MACROD2: variants seen among roughly 807,000 people sequenced by gnomAD.
MACROD2 encodes the protein mono-ADP ribosylhydrolase 2, also known as ADP-ribose glycohydrolase MACROD2.
MACROD2 carries 36 observed loss-of-function variants against 70.4 expected under a neutral mutation model. That is an observed-to-expected ratio of 0.51 (90% CI 0.39 to 0.68). The LOEUF (loss-of-function observed/expected upper bound fraction) is 0.68, where lower values mean the gene tolerates loss of function less well. Among genes scored for constraint, MACROD2 ranks in the 30% least tolerant of loss-of-function variants. The pLI is 0.00. For synonymous variants in MACROD2, 172 were observed against 178.8 expected (o/e 0.96, Z 0.30); for missense variants, 496 against 538.4 (o/e 0.92, Z 0.78).
chr20:16,022,047 C>CTTTTTTT (rs543662575), intron 15 of MACROD2, among the ~76,000 whole-genome samples: 21 of 108,954 alleles, frequency 1.9e-4, no homozygotes, highest in East Asian at 2.7e-4. Flanking sequence ...GTTTCAGTTT[C>CTTTTTTT]TTTTTTTTTT....
chr20:14,084,637 G>T (rs540270888), intron 2 of MACROD2, among the ~76,000 whole-genome samples: 3 of 152,096 alleles, frequency 2.0e-5, no homozygotes, highest in African/African-American at 7.2e-5. Flanking sequence ...TAAAATATCA[G>T]ATTTCAGAAA....
At chr20:15,076,635 A>G (rs555041141) in intron 5 of MACROD2, among the ~76,000 whole-genome samples, 6 of 152,256 alleles carry the variant, frequency 3.9e-5, no homozygotes, top group African/African-American at 1.4e-4. Context: ...GTTTTCTGTC[A>G]CTTTTGTTCT....
chr20:14,421,760 T>G (rs2083878404), intron 3 of MACROD2, among the ~76,000 whole-genome samples: 1 of 152,000 alleles, frequency 6.6e-6, no homozygotes, highest in South Asian at 2.1e-4. Flanking sequence ...GTGATTGGAA[T>G]TTTTTTTGTA....
chr20:15,224,826 G>T (rs1009381741), intron 5 of MACROD2, among the ~76,000 whole-genome samples: 1 of 151,998 alleles, frequency 6.6e-6, no homozygotes. Context: ...TTGGTGTGAT[G>T]GTGCATGCCT....
chr20:15,595,814 G>T (rs1349198931), intron 8 of MACROD2, among the ~76,000 whole-genome samples: 1 of 151,934 alleles, frequency 6.6e-6, no homozygotes, highest in African/African-American at 2.4e-5. Flanking sequence ...TTTGTAAACT[G>T]TAACTTGGCA....
rs142305094 is a variant in MACROD2 at position 15,698,516 on chromosome 20, C to T, written c.646-164229C>T. 5.0e-3 allele frequency among the ~76,000 whole-genome samples: 765 copies of T among 152,250 alleles called. 7 individuals are homozygous for T. Among genetic ancestry groups the T allele is most frequent in the African/African-American group, 0.016 (682 of 41,534 alleles). On this transcript the variant is annotated intron_variant, in intron 8 of 17. Coordinates refer to ENST00000684519, the MANE Select transcript of MACROD2 (RefSeq NM_001351661.2). The stretch of plus-strand genomic sequence containing the variant: ...TCACAGCTCTTAAAATTCTTTCCTT[C>T]GTCTTAACTTTGGATAACCTGATGA...
intron 9 of MACROD2, among the ~76,000 whole-genome samples, chr20:15,879,851 A>G (rs1271976033): frequency 1.3e-5 from 2 of 152,102 alleles, no homozygotes; most frequent in Non-Finnish European, 2.9e-5. Flanking sequence ...CTGAGAACCA[A>G]TGGAACCAAC....
At chr20:15,625,117 T>C (rs2049183853) in intron 8 of MACROD2, among the ~76,000 whole-genome samples, 1 of 152,204 alleles carries the variant, frequency 6.6e-6, no homozygotes, top group African/African-American at 2.4e-5. Flanking sequence ...TAGCAGTAGC[T>C]GAATCTAAGA....
At chr20:14,811,957 G>C (rs2072717834) in intron 5 of MACROD2, among the ~76,000 whole-genome samples, 1 of 152,088 alleles carries the variant, frequency 6.6e-6, no homozygotes, top group Admixed American at 6.6e-5. Flanking sequence ...TGGAGACATA[G>C]GAACGCTTTA....
intron 8 of MACROD2, among the ~76,000 whole-genome samples, chr20:15,763,899 T>A (rs1374955468): frequency 6.6e-6 from 1 of 152,242 alleles, no homozygotes; most frequent in Non-Finnish European, 1.5e-5. Flanking sequence ...TAGTTGGAAA[T>A]CTGTGAAACA....
chr20:14,962,504 A>G (rs1259909802), intron 5 of MACROD2, among the ~76,000 whole-genome samples: 1 of 149,438 alleles, frequency 6.7e-6, no homozygotes, highest in African/African-American at 2.5e-5. Context: ...TCTGAGACAG[A>G]ATTTTGCTCT....
At chr20:15,036,397 A>T (rs1418060053) in intron 5 of MACROD2, among the ~76,000 whole-genome samples, 2 of 152,108 alleles carry the variant, frequency 1.3e-5, no homozygotes, top group Non-Finnish European at 2.9e-5. Context: ...AATCAGCATC[A>T]CCTGGGAACT....
At chr20:15,565,631 T>G (rs769114976) in intron 8 of MACROD2, among the ~76,000 whole-genome samples, 11 of 152,254 alleles carry the variant, frequency 7.2e-5, no homozygotes, top group Non-Finnish European at 1.5e-4. Context: ...GTTTGTTTGT[T>G]TAGAGACAAG....
At chr20:15,190,388 A>C (rs994556881) in intron 5 of MACROD2, among the ~76,000 whole-genome samples, 1 of 152,144 alleles carries the variant, frequency 6.6e-6, no homozygotes, top group Non-Finnish European at 1.5e-5. Flanking sequence ...CCATATTCAT[A>C]GTCCCCTCAG....
chr20:14,883,043 A>G (rs2073628781), intron 5 of MACROD2, among the ~76,000 whole-genome samples: 1 of 152,188 alleles, frequency 6.6e-6, no homozygotes, highest in Admixed American at 6.5e-5. Context: ...CTTGGTCATG[A>G]GTAATGATGG....
intron 5 of MACROD2, among the ~76,000 whole-genome samples, chr20:15,038,921 A>G (rs527959391): frequency 6.6e-6 from 1 of 152,308 alleles, no homozygotes; most frequent in South Asian, 2.1e-4. Flanking sequence ...AAAGAATGTC[A>G]AGTGTTAATC....
intron 4 of MACROD2, among the ~76,000 whole-genome samples, chr20:14,639,638 A>G (rs932092056): frequency 2.0e-5 from 3 of 152,194 alleles, no homozygotes; most frequent in Admixed American, 6.5e-5. Context: ...CAGAATAGCC[A>G]TCATTCAATG....
chr20:15,537,523 G>T (rs1319469975), intron 8 of MACROD2, among the ~76,000 whole-genome samples: 2 of 146,304 alleles, frequency 1.4e-5, no homozygotes, highest in African/African-American at 2.6e-5. Context: ...GCCCAGGCTG[G>T]GGTGCAATGA....
At position 15,301,591 on chromosome 20, in the gene MACROD2, C is replaced by CTTTTTTTTTTTTTTTTTTTTT. The variant is rs71340214; in HGVS notation, c.540+71533_540+71553dup. Reference sequence around the variant, plus strand: ...GGAAGTTAGTAAGATGGTAGGTGGCCTTTTTTTTTTTTTTTTTTTTTTTGT... The same window carrying CTTTTTTTTTTTTTTTTTTTTT: ...GGAAGTTAGTAAGATGGTAGGTGGCCTTTTTTTTTTTTTTTTTTTTTTTTTTTTTTTTTTTTTTTTTTTTGT... On this transcript the variant is annotated intron_variant, in intron 6 of 17. Coordinates refer to ENST00000684519, the MANE Select transcript of MACROD2 (RefSeq NM_001351661.2). 1.9e-3 allele frequency among the ~76,000 whole-genome samples: 158 copies of CTTTTTTTTTTTTTTTTTTTTT among 81,254 alleles called. 16 individuals carry two copies. The highest frequency in any genetic ancestry group is 2.8e-3 in the Non-Finnish European group (119 of 41,968). The allele number at this position is 81,254 out of a possible 152,430, so 53.3% of individuals were successfully genotyped here.
Sources: allele counts gnomAD v4.1 joint callset (sites outside exome capture counted in the v4.1 genomes callset), GRCh38; gene constraint gnomAD v4.1.1; transcripts MANE v1.5; gene names NCBI Gene and HGNC (gene_info 2026-07-23, HGNC 2026-07-21).